LIG1: variants seen among roughly 807,000 people sequenced by gnomAD.
LIG1 encodes DNA ligase 1.
LIG1 carries 70 observed loss-of-function variants against 115.7 expected under a neutral mutation model. The observed-to-expected ratio is 0.60, with a 90% CI of 0.50 to 0.74. The LOEUF is 0.74. Among genes scored for constraint, LIG1 ranks in the 30% least tolerant of loss-of-function variants. The probability of loss-of-function intolerance (pLI) is 0.00; values close to 1 mark genes in which losing one functional copy is unlikely to be tolerated. For missense variants in LIG1, 1,115 were observed against 1,225.6 expected, an observed-to-expected ratio of 0.91 and a Z score of 1.35; for synonymous variants, 487 against 495.3, an observed-to-expected ratio of 0.98 and a Z score of 0.22.
intron 26 of LIG1, among the ~76,000 whole-genome samples, chr19:48,116,968 C>T (rs1197050103): frequency 6.6e-6 from 1 of 152,124 alleles, no homozygotes. Flanking sequence ...GAAACCCCGT[C>T]TCTACAGGCA....
chr19:48,161,201 G>A (rs1293519117), intron 4 of LIG1, 171 bp downstream of exon 4: 5 of 918,154 alleles, frequency 5.4e-6, no homozygotes, highest in Non-Finnish European at 8.7e-6. Context: ...AGGTCCTAGG[G>A]CAGGGGCAAT....
intron 4 of LIG1, among the ~76,000 whole-genome samples, chr19:48,157,424 T>G (rs1454382389): frequency 6.6e-6 from 1 of 152,138 alleles, no homozygotes; most frequent in Non-Finnish European, 1.5e-5. Context: ...ACTACAGGCC[T>G]GCACTACCAT....
intron 21 of LIG1, among the ~76,000 whole-genome samples, chr19:48,125,412 T>A (rs2033597543): frequency 6.6e-6 from 1 of 152,108 alleles, no homozygotes; most frequent in African/African-American, 2.4e-5. Flanking sequence ...GTCTGCATCA[T>A]GAAATTGGGG....
chr19:48,126,934 GA>G (rs1568487948), intron 21 of LIG1: 2 of 320,820 alleles, frequency 6.2e-6, no homozygotes, highest in African/African-American at 4.3e-5. Context: ...GGTGAGACTA[GA>G]GGCATTATTT....
chr19:48,133,617 T>A (rs1160137820), intron 17 of LIG1: 1 of 336,100 alleles, frequency 3.0e-6, no homozygotes, highest in Admixed American at 4.0e-5. Context: ...TATTTACTTA[T>A]TTATTGTCTC....
intron 16 of LIG1, 23 bp downstream of exon 16, chr19:48,135,657 T>A: frequency 1.3e-6 from 2 of 1,563,020 alleles, no homozygotes; most frequent in South Asian, 1.1e-5. Context: ...CCCTGGCAAC[T>A]CCACCCACTG....
At chr19:48,120,543 G>C (rs777488950) in intron 24 of LIG1, 14 of 985,094 alleles carry the variant, frequency 1.4e-5, no homozygotes, top group Non-Finnish European at 1.6e-5. Flanking sequence ...AGTCCAAAAT[G>C]TGCACAGCTT....
chr19:48,149,766 T>C lies in LIG1; in HGVS notation c.773A>G (p.Glu258Gly), dbSNP rs2035350058. 1 of 1,613,534 alleles carries C rather than the reference T, an allele frequency of 6.2e-7. No individual in the cohort carries two copies. The highest frequency in any genetic ancestry group is 1.3e-5 in the African/African-American group (1 of 74,906). Residue 258 changes from glutamate (E) to glycine (G), a missense_variant, in exon 9 of 28, where the codon GAG (glutamate) becomes GGG (glycine). Physicochemically the swap from Glu to Gly is moderately conservative, Grantham distance 98. Coordinates refer to ENST00000263274, the MANE Select transcript of LIG1 (RefSeq NM_000234.3). ...CCAGACCTGGACACTGACTCACCCCTCAGCAGCTCCCTCCTTTCCTGGAGC... is the reference window on the plus strand; with the variant it reads ...CCAGACCTGGACACTGACTCACCCCCCAGCAGCTCCCTCCTTTCCTGGAGC... ...PGAPGKEGAA[E>G]GPLDPSGYNP...
At chr19:48,165,444 A>G in intron 2 of LIG1, 106 bp downstream of exon 2, 3 of 941,632 alleles carry the variant, frequency 3.2e-6, no homozygotes, top group Non-Finnish European at 5.2e-6. Context: ...CTCAAAATCT[A>G]ACGTAAGAGT....
At chr19:48,134,500 A>G (rs1054125380) in intron 16 of LIG1, among the ~76,000 whole-genome samples, 2 of 152,192 alleles carry the variant, frequency 1.3e-5, no homozygotes, top group African/African-American at 2.4e-5. Flanking sequence ...TTTACTAAAA[A>G]TATAAAAGTT....
intron 24 of LIG1, among the ~76,000 whole-genome samples, chr19:48,119,823 G>A (rs555932605): frequency 6.6e-6 from 1 of 152,148 alleles, no homozygotes; most frequent in Non-Finnish European, 1.5e-5. Context: ...GATTACAGGC[G>A]TGAGTGGCCA....
rs55722968 is a variant in LIG1 at position 48,148,474 on chromosome 19, C to CAAA, written c.776+1286_776+1288dup. 1.2e-3 allele frequency among the ~76,000 whole-genome samples: 114 copies of CAAA among 97,328 alleles called. 1 individual carries two copies. Among genetic ancestry groups the CAAA allele is most frequent in the African/African-American group, 3.2e-3 (111 of 34,226 alleles). 63.9% of individuals were successfully genotyped at this position (97,328 alleles called of 152,430 possible). On this transcript the variant is annotated intron_variant, in intron 9 of 27. Transcript: ENST00000263274. Reference sequence around the variant, plus strand: ...TGGGCAACAGAGTGAGATTCCATCTCAAAAAAAAAAAAAAAAAGCAGGGAG... The same window carrying CAAA: ...TGGGCAACAGAGTGAGATTCCATCTCAAAAAAAAAAAAAAAAAAAAGCAGGGAG...
At chr19:48,163,739 C>G (rs2036318580) in intron 2 of LIG1, among the ~76,000 whole-genome samples, 1 of 151,924 alleles carries the variant, frequency 6.6e-6, no homozygotes, top group Non-Finnish European at 1.5e-5. Context: ...GTCAGGAGAT[C>G]AAGACCATCC....
intron 12 of LIG1, among the ~76,000 whole-genome samples, chr19:48,139,593 C>T (rs948665961): frequency 1.3e-5 from 2 of 152,190 alleles, no homozygotes; most frequent in Non-Finnish European, 2.9e-5. Flanking sequence ...TGGCCCCCCA[C>T]ACACCATGTT....
At chr19:48,121,936 G>A (rs2033311982) in intron 23 of LIG1, among the ~76,000 whole-genome samples, 2 of 152,218 alleles carry the variant, frequency 1.3e-5, no homozygotes, top group African/African-American at 4.8e-5. Context: ...TCCTCCAAAG[G>A]GAGAGCATTT....
At chr19:48,139,836 C>T (rs2122671329) in intron 12 of LIG1, 135 bp downstream of exon 12, 1 of 1,027,608 alleles carries the variant, frequency 9.7e-7, no homozygotes, top group Non-Finnish European at 1.5e-6. Context: ...CCCCATCAGG[C>T]TCTCCTCCCT....
intron 9 of LIG1, among the ~76,000 whole-genome samples, chr19:48,147,811 A>G (rs1417788777): frequency 6.9e-6 from 1 of 144,432 alleles, no homozygotes; most frequent in Non-Finnish European, 1.5e-5. Context: ...AAATGAGTCC[A>G]TGATTGACTA....
intron 1 of LIG1, among the ~76,000 whole-genome samples, chr19:48,166,669 C>G (rs1158795004): frequency 6.6e-6 from 1 of 152,010 alleles, no homozygotes; most frequent in East Asian, 1.9e-4. Context: ...TTTAGAGTAA[C>G]TCTAATGAAA....
At chr19:48,164,995 T>C (rs1376776150) in intron 2 of LIG1, among the ~76,000 whole-genome samples, 1 of 152,212 alleles carries the variant, frequency 6.6e-6, no homozygotes, top group Non-Finnish European at 1.5e-5. Flanking sequence ...GCGCCGTGGC[T>C]CACGCCTGAA....
Sources: allele counts gnomAD v4.1 joint callset (sites outside exome capture counted in the v4.1 genomes callset), GRCh38; gene constraint gnomAD v4.1.1; transcripts MANE v1.5; gene names NCBI Gene and HGNC (gene_info 2026-07-23, HGNC 2026-07-21).